The following AKR1D1 variants were observed in gnomAD, a reference collection of about 807,000 sequenced individuals.
AKR1D1 encodes delta(4)-3-ketosteroid 5-beta-reductase.
Under a neutral mutation model 42.6 loss-of-function variants are expected in AKR1D1, and 32 were observed. The observed-to-expected ratio is 0.75, with a 90% CI of 0.57 to 1.01. AKR1D1 has a LOEUF of 1.01. Among genes scored for constraint, AKR1D1 ranks in the 50% least tolerant of loss-of-function variants. The pLI is 0.00. For synonymous variants in AKR1D1, 123 were observed against 135.5 expected (o/e 0.91, Z 0.64); for missense variants, 364 against 402.2 (o/e 0.91, Z 0.81).
chr7:138,104,130 A>G (rs1794370079), intron 4 of AKR1D1, among the ~76,000 whole-genome samples: 1 of 152,044 alleles, frequency 6.6e-6, no homozygotes, highest in African/African-American at 2.4e-5. Flanking sequence ...AGAGCAAGAT[A>G]CTGTTTCAAA....
chr7:138,088,620 C>T lies in AKR1D1; in HGVS notation c.113C>T (p.Ala38Val). Residue 38 changes from alanine to valine, a missense_variant, in exon 2 of 9, where the codon GCA becomes GTA. By Grantham distance (64) the Ala-to-Val change is moderately conservative. Transcript: ENST00000242375. ...CTTCAGACCCCTAAGGGAGCCTGTG[C>T]AACATCGGTGAAGGTTGCTATTGAC... Reference protein sequence around the residue: ...EPKSTPKGACATSVKVAIDTG... With the variant: ...EPKSTPKGACVTSVKVAIDTG... The T allele has an allele frequency of 6.2e-7, 1 of 1,614,184 alleles. No individual in the cohort carries two copies. Among genetic ancestry groups the T allele is most frequent in the Non-Finnish European group, 8.5e-7 (1 of 1,180,026 alleles).
intron 3 of AKR1D1, among the ~76,000 whole-genome samples, chr7:138,094,651 G>A (rs1794150443): frequency 6.6e-6 from 1 of 152,104 alleles, no homozygotes; most frequent in African/African-American, 2.4e-5. Context: ...AAGTAGCTGA[G>A]ACTACAGGTG....
At chr7:138,111,576 T>C (rs1794537916) in intron 7 of AKR1D1, among the ~76,000 whole-genome samples, 1 of 152,210 alleles carries the variant, frequency 6.6e-6, no homozygotes, top group Non-Finnish European at 1.5e-5. Context: ...TGAGAAGAAC[T>C]ATCAGGAGCT....
intron 8 of AKR1D1, among the ~76,000 whole-genome samples, chr7:138,115,167 G>A (rs950658075): frequency 3.3e-5 from 5 of 152,112 alleles, no homozygotes; most frequent in African/African-American, 9.7e-5. Flanking sequence ...GAGAAACCAG[G>A]TGCAGTGTCT....
chr7:138,101,191 C>CCTG (rs1365842554), intron 4 of AKR1D1, among the ~76,000 whole-genome samples: 2 of 20,576 alleles, frequency 9.7e-5, no homozygotes, highest in Admixed American at 1.4e-3. Context: ...CTCCCTCCCT[C>CCTG]CCTTCCTTCC....
intron 3 of AKR1D1, among the ~76,000 whole-genome samples, chr7:138,093,458 T>G (rs2117438162): frequency 6.6e-6 from 1 of 152,330 alleles, no homozygotes; most frequent in Admixed American, 6.5e-5. Context: ...TTTTAAACTC[T>G]TTTGTTAAAA....
chr7:138,095,516 T>C (rs1463711694), intron 3 of AKR1D1, among the ~76,000 whole-genome samples: 8 of 113,394 alleles, frequency 7.1e-5, no homozygotes, highest in South Asian at 3.1e-4. Flanking sequence ...ATTAAAATTT[T>C]TGTTTTGTTT....
intron 2 of AKR1D1, among the ~76,000 whole-genome samples, chr7:138,091,024 T>C (rs773925612): frequency 3.9e-5 from 6 of 152,228 alleles, no homozygotes; most frequent in Non-Finnish European, 8.8e-5. Context: ...GCTCATTTTA[T>C]CAGAGTGGCA....
intron 5 of AKR1D1, among the ~76,000 whole-genome samples, chr7:138,106,228 T>C (rs896529945): frequency 2.6e-5 from 4 of 152,190 alleles, no homozygotes; most frequent in African/African-American, 9.7e-5. Context: ...CCTTAAAAAA[T>C]GTTCACAGTC....
chr7:138,106,618 A>G lies in AKR1D1; in HGVS notation c.590A>G (p.His197Arg). 6.2e-7 allele frequency: 1 copy of G among 1,614,090 alleles called. No individual in the cohort carries two copies. Among genetic ancestry groups the G allele is most frequent in the Admixed American group, 1.7e-5 (1 of 60,032 alleles). The change falls in exon 6 of 9, where the codon CAT becomes CGT. Residue 197 changes from histidine (H) to arginine (R), a missense_variant. Physicochemically the swap from His to Arg is conservative, Grantham distance 29 (BLOSUM62 0). Coordinates refer to ENST00000242375, the MANE Select transcript of AKR1D1 (RefSeq NM_005989.4). ...AATGCAACCACATAGGTTGAGTGCC[A>G]TCCGTATTTCACCCAGCCAAAACTC... ...HKPVSNQVEC[H>R]PYFTQPKLLK...
chr7:138,079,150 C>A (rs1424285431), intron 1 of AKR1D1, among the ~76,000 whole-genome samples: 5 of 152,080 alleles, frequency 3.3e-5, no homozygotes, highest in Admixed American at 2.0e-4. Flanking sequence ...TCCTTACTTT[C>A]TCTCCAATGC....
intron 1 of AKR1D1, among the ~76,000 whole-genome samples, chr7:138,083,239 A>T (rs150329750): frequency 6.6e-6 from 1 of 152,198 alleles, no homozygotes; most frequent in Non-Finnish European, 1.5e-5. Flanking sequence ...TAGTCATCCT[A>T]ATGGGTGTGA....
At chr7:138,108,453 T>A (rs1007552825) in intron 7 of AKR1D1, among the ~76,000 whole-genome samples, 2 of 152,194 alleles carry the variant, frequency 1.3e-5, no homozygotes, top group Non-Finnish European at 2.9e-5. Flanking sequence ...TACTTGGTAA[T>A]ATTTGGGGAA....
chr7:138,108,464 A>T (rs1794475692), intron 7 of AKR1D1, among the ~76,000 whole-genome samples: 1 of 152,214 alleles, frequency 6.6e-6, no homozygotes, highest in Non-Finnish European at 1.5e-5. Flanking sequence ...ATTTGGGGAA[A>T]CAGGCGCTTT....
At chr7:138,081,496 G>A (rs1562929667) in intron 1 of AKR1D1, among the ~76,000 whole-genome samples, 1 of 123,504 alleles carries the variant, frequency 8.1e-6, no homozygotes, top group Non-Finnish European at 1.6e-5. Flanking sequence ...AATATAAAAG[G>A]AACTCCTACC....
intron 7 of AKR1D1, among the ~76,000 whole-genome samples, chr7:138,112,368 G>A (rs1207649841): frequency 6.6e-6 from 1 of 152,138 alleles, no homozygotes; most frequent in Admixed American, 6.5e-5. Context: ...CCTGAAAAGA[G>A]TACTTGGAAA....
intron 1 of AKR1D1, among the ~76,000 whole-genome samples, chr7:138,082,645 T>C (rs2117415977): frequency 6.6e-6 from 1 of 152,306 alleles, no homozygotes; most frequent in African/African-American, 2.4e-5. Context: ...TGCATCAGCC[T>C]TCCAAAGTGC....
At chr7:138,102,560 C>T (rs1421087065) in intron 4 of AKR1D1, among the ~76,000 whole-genome samples, 1 of 152,002 alleles carries the variant, frequency 6.6e-6, no homozygotes, top group African/African-American at 2.4e-5. Context: ...AAGACTCCAT[C>T]TCAAAAATAA....
intron 1 of AKR1D1, among the ~76,000 whole-genome samples, chr7:138,085,317 C>T (rs1585721718): frequency 1.3e-5 from 2 of 152,042 alleles, no homozygotes; most frequent in African/African-American, 2.4e-5. Context: ...AAGATTTTCA[C>T]TACTATAACT....
Sources: allele counts gnomAD v4.1 joint callset (sites outside exome capture counted in the v4.1 genomes callset), GRCh38; gene constraint gnomAD v4.1.1; transcripts MANE v1.5; gene names NCBI Gene and HGNC (gene_info 2026-07-23, HGNC 2026-07-21).